Variants in AKAP6 observed in about 807,000 individuals in gnomAD.
The protein encoded by AKAP6 is A-kinase anchor protein 6.
A neutral mutation model predicts 188.5 loss-of-function variants in AKAP6; 58 were observed. The observed-to-expected ratio is 0.31, with a 90% CI of 0.25 to 0.38. The LOEUF (loss-of-function observed/expected upper bound fraction) is 0.38. Ranked by LOEUF, AKAP6 falls within the 10% of genes least tolerant of loss-of-function variation. The pLI is 1.00. For synonymous variants in AKAP6, 989 were observed against 998.6 expected (o/e 0.99, Z 0.18); for missense variants, 2,710 against 2,740.0 (o/e 0.99, Z 0.24).
At chr14:32,525,049 G>C (rs1180082786) in intron 2 of AKAP6, among the ~76,000 whole-genome samples, 1 of 152,178 alleles carries the variant, frequency 6.6e-6, no homozygotes, top group Non-Finnish European at 1.5e-5. Flanking sequence ...CTTGGGGAAG[G>C]TATAGATATT....
intron 12 of AKAP6, among the ~76,000 whole-genome samples, chr14:32,789,940 G>A (rs530625137): frequency 6.6e-6 from 1 of 152,306 alleles, no homozygotes; most frequent in African/African-American, 2.4e-5. Context: ...ACAGGAGCAT[G>A]TTGTAACCCA....
chr14:32,731,467 G>A (rs1009170582), intron 9 of AKAP6, among the ~76,000 whole-genome samples: 2 of 152,054 alleles, frequency 1.3e-5, no homozygotes, highest in African/African-American at 2.4e-5. Context: ...TTAGGGCACC[G>A]TTGGTCATGT....
intron 1 of AKAP6, among the ~76,000 whole-genome samples, chr14:32,336,182 A>G (rs1053816204): frequency 3.9e-5 from 6 of 152,018 alleles, no homozygotes; most frequent in African/African-American, 1.4e-4. Flanking sequence ...GAAAATGGGT[A>G]TGAATGATGG....
chr14:32,482,902 C>T (rs1402760200), intron 2 of AKAP6, among the ~76,000 whole-genome samples: 5 of 151,614 alleles, frequency 3.3e-5, no homozygotes, highest in Non-Finnish European at 5.9e-5. Flanking sequence ...GTGATTTCTT[C>T]TGTAATGTGA....
chr14:32,400,980 G>A (rs948690549), intron 1 of AKAP6, among the ~76,000 whole-genome samples: 1 of 152,166 alleles, frequency 6.6e-6, no homozygotes, highest in Non-Finnish European at 1.5e-5. Flanking sequence ...GAAGAGATGA[G>A]GGGAAGTCTG....
intron 9 of AKAP6, among the ~76,000 whole-genome samples, chr14:32,723,348 TG>T (rs1415053862): frequency 2.6e-5 from 4 of 152,160 alleles, no homozygotes; most frequent in African/African-American, 7.2e-5. Context: ...ACTTTACATT[TG>T]TCATTTCTCC....
At chr14:32,415,402 A>C (rs1324534191) in intron 1 of AKAP6, among the ~76,000 whole-genome samples, 1 of 23,956 alleles carries the variant, frequency 4.2e-5, no homozygotes, top group Non-Finnish European at 2.6e-4. Context: ...TGAGACTTTA[A>C]GTTAACTTAG....
chr14:32,350,501 A>C (rs988563579), intron 1 of AKAP6, among the ~76,000 whole-genome samples: 1 of 152,182 alleles, frequency 6.6e-6, no homozygotes, highest in African/African-American at 2.4e-5. Context: ...TGACAACTAA[A>C]TGTGATGTGG....
intron 9 of AKAP6, among the ~76,000 whole-genome samples, chr14:32,707,973 A>G (rs1402813441): frequency 6.6e-6 from 1 of 152,024 alleles, no homozygotes; most frequent in African/African-American, 2.4e-5. Context: ...CATGTCTGAG[A>G]CATAAATGGT....
chr14:32,734,822 AC>A (rs976001462), intron 10 of AKAP6, among the ~76,000 whole-genome samples: 1 of 152,136 alleles, frequency 6.6e-6, no homozygotes, highest in African/African-American at 2.4e-5. Context: ...ATGTTTGTTG[AC>A]TTAATTTTAT....
At chr14:32,560,979 T>G (rs1390962071) in intron 4 of AKAP6, among the ~76,000 whole-genome samples, 1 of 152,216 alleles carries the variant, frequency 6.6e-6, no homozygotes, top group Non-Finnish European at 1.5e-5. Flanking sequence ...ATGCAGACAC[T>G]GTTACATTAT....
chr14:32,685,978 A>G (rs1889908274), intron 8 of AKAP6, among the ~76,000 whole-genome samples: 1 of 152,140 alleles, frequency 6.6e-6, no homozygotes. Flanking sequence ...TGAAAGAAAT[A>G]TCTTTACTCT....
At chr14:32,686,696 A>T (rs1889939728) in intron 8 of AKAP6, among the ~76,000 whole-genome samples, 1 of 152,176 alleles carries the variant, frequency 6.6e-6, no homozygotes, top group South Asian at 2.1e-4. Flanking sequence ...GGAGTATCTG[A>T]ATGTGTTGAA....
intron 4 of AKAP6, among the ~76,000 whole-genome samples, chr14:32,551,937 A>G (rs902786305): frequency 1.3e-5 from 2 of 151,934 alleles, no homozygotes; most frequent in Admixed American, 1.3e-4. Flanking sequence ...AAGTGCTGGG[A>G]TTATAGGCGT....
At chr14:32,356,191 A>G (rs933254539) in intron 1 of AKAP6, among the ~76,000 whole-genome samples, 1 of 152,100 alleles carries the variant, frequency 6.6e-6, no homozygotes, top group African/African-American at 2.4e-5. Context: ...TCCCCTTCAC[A>G]TTCTCAGACT....
chr14:32,784,705 C>T (rs2033350769), intron 12 of AKAP6, among the ~76,000 whole-genome samples: 1 of 151,948 alleles, frequency 6.6e-6, no homozygotes, highest in Non-Finnish European at 1.5e-5. Context: ...TCATAACAAC[C>T]AAAGATGAAG....
intron 11 of AKAP6, among the ~76,000 whole-genome samples, chr14:32,773,372 T>A (rs1319755728): frequency 1.3e-5 from 2 of 152,210 alleles, no homozygotes; most frequent in African/African-American, 4.8e-5. Context: ...GGCATTCATG[T>A]GACCTAAATG....
chr14:32,680,118 G>A (rs1249294645), intron 8 of AKAP6, among the ~76,000 whole-genome samples: 1 of 152,146 alleles, frequency 6.6e-6, no homozygotes, highest in African/African-American at 2.4e-5. Flanking sequence ...CCTGGGAATT[G>A]CTTAGTTAAC....
At chr14:32,687,910 A>C (rs1890002919) in intron 8 of AKAP6, among the ~76,000 whole-genome samples, 1 of 152,084 alleles carries the variant, frequency 6.6e-6, no homozygotes, top group East Asian at 1.9e-4. Flanking sequence ...TACCAGTAGA[A>C]ATGTATTCAC....
Sources: allele counts gnomAD v4.1 joint callset (sites outside exome capture counted in the v4.1 genomes callset), GRCh38; gene constraint gnomAD v4.1.1; transcripts MANE v1.5; gene names NCBI Gene and HGNC (gene_info 2026-07-23, HGNC 2026-07-21).